The following TESC variants were observed in gnomAD, a reference collection of about 807,000 sequenced individuals.
TESC encodes calcineurin B homologous protein 3.
A neutral mutation model predicts 31.0 loss-of-function variants in TESC; 19 were observed. The ratio of observed to expected loss-of-function variants is 0.61; its 90% CI spans 0.43 to 0.90. The LOEUF is 0.90. Ranked by LOEUF, TESC falls within the 40% of genes least tolerant of loss-of-function variation. The probability of loss-of-function intolerance (pLI) is 0.00; values close to 1 mark genes in which losing one functional copy is unlikely to be tolerated. For synonymous variants in TESC, 109 were observed against 114.8 expected, an observed-to-expected ratio of 0.95 and a Z score of 0.32; for missense variants, 248 against 303.8, an observed-to-expected ratio of 0.82 and a Z score of 1.36.
chr12:117,080,182 C>T (rs192800362), intron 1 of TESC, among the ~76,000 whole-genome samples: 4 of 152,172 alleles, frequency 2.6e-5, no homozygotes, highest in Non-Finnish European at 4.4e-5. Flanking sequence ...CCAAAGTGCA[C>T]GCAAGGCTGG....
intron 1 of TESC, among the ~76,000 whole-genome samples, chr12:117,083,259 A>G (rs1233557922): frequency 6.6e-6 from 1 of 152,154 alleles, no homozygotes; most frequent in Non-Finnish European, 1.5e-5. Flanking sequence ...CTATATTTTT[A>G]GTAGAGATGG....
chr12:117,043,062 C>T (rs1242177557), intron 6 of TESC, among the ~76,000 whole-genome samples: 2 of 151,904 alleles, frequency 1.3e-5, no homozygotes, highest in Admixed American at 1.3e-4. Flanking sequence ...GAACAAAAAA[C>T]AAAACCCAAC....
At chr12:117,056,748 A>G in intron 3 of TESC, 58 bp downstream of exon 3, 1 of 1,552,560 alleles carries the variant, frequency 6.4e-7, no homozygotes, top group South Asian at 1.1e-5. Flanking sequence ...AAGTATCCCG[A>G]GATGTTACAC....
chr12:117,080,852 C>T (rs529448842), intron 1 of TESC, among the ~76,000 whole-genome samples: 1 of 152,288 alleles, frequency 6.6e-6, no homozygotes, highest in African/African-American at 2.4e-5. Context: ...ATCAGGGCCC[C>T]AAAGCCCACG....
intron 1 of TESC, among the ~76,000 whole-genome samples, chr12:117,093,755 A>T (rs1287504693): frequency 6.6e-6 from 1 of 150,646 alleles, no homozygotes; most frequent in Non-Finnish European, 1.5e-5. Context: ...TCTTACCATC[A>T]TGAGGTCTGA....
At chr12:117,052,233 C>T (rs1426569055) in intron 3 of TESC, among the ~76,000 whole-genome samples, 4 of 152,142 alleles carry the variant, frequency 2.6e-5, no homozygotes, top group East Asian at 1.9e-4. Flanking sequence ...AGGAATGGGG[C>T]GCCCTGGAGG....
intron 2 of TESC, among the ~76,000 whole-genome samples, chr12:117,062,673 C>T (rs1954814637): frequency 6.6e-6 from 1 of 152,222 alleles, no homozygotes; most frequent in Non-Finnish European, 1.5e-5. Flanking sequence ...CCCTTTTCAA[C>T]AAGGAGAGCA....
intron 3 of TESC, among the ~76,000 whole-genome samples, chr12:117,055,141 C>A (rs375717224): frequency 6.6e-6 from 1 of 152,276 alleles, no homozygotes; most frequent in South Asian, 2.1e-4. Flanking sequence ...CTATGATTAT[C>A]TCCACTTTAT....
intron 1 of TESC, among the ~76,000 whole-genome samples, chr12:117,092,607 G>A (rs2135805112): frequency 6.6e-6 from 1 of 152,294 alleles, no homozygotes; most frequent in Middle Eastern, 3.4e-3. Flanking sequence ...CCGCCCCAGA[G>A]CTCAGCATAC....
intron 2 of TESC, among the ~76,000 whole-genome samples, chr12:117,066,219 T>G (rs1954878151): frequency 7.0e-6 from 1 of 142,068 alleles, no homozygotes; most frequent in Non-Finnish European, 1.5e-5. Context: ...TTTTTTTTTT[T>G]TTTTTGGGGC....
At chr12:117,081,531 G>A (rs1955147438) in intron 1 of TESC, among the ~76,000 whole-genome samples, 1 of 152,148 alleles carries the variant, frequency 6.6e-6, no homozygotes, top group Admixed American at 6.5e-5. Flanking sequence ...TTGATCCCTA[G>A]GAACAAATCC....
At chr12:117,053,980 T>C (rs1442622805) in intron 3 of TESC, 1 of 152,196 alleles carries the variant, frequency 6.6e-6, no homozygotes, top group Non-Finnish European at 1.5e-5. Context: ...GGGCACCGGA[T>C]TCCACTCTGT....
At chr12:117,049,193 T>C (rs183572326) in intron 3 of TESC, 35 bp from the exon 4 acceptor site, 21 of 1,613,444 alleles carry the variant, frequency 1.3e-5, no homozygotes, top group Non-Finnish European at 1.8e-5. Flanking sequence ...TGGAAATAAA[T>C]GAAGAACTGG....
At chr12:117,044,009 G>A (rs1954521648) in intron 6 of TESC, among the ~76,000 whole-genome samples, 1 of 151,900 alleles carries the variant, frequency 6.6e-6, no homozygotes, top group Non-Finnish European at 1.5e-5. Flanking sequence ...ACTTTGGGAG[G>A]CCAAGGCAGG....
At chr12:117,063,896 C>G (rs117254772) in intron 2 of TESC, among the ~76,000 whole-genome samples, 1 of 152,196 alleles carries the variant, frequency 6.6e-6, no homozygotes, top group African/African-American at 2.4e-5. Context: ...TCTGGGCCAG[C>G]AGCATCTGCA....
rs143539275 is a variant in TESC, at chr12:117,099,067, G to A, written c.58+158C>T. Among the ~76,000 whole-genome samples the A allele has an allele frequency of 2.7e-3, 410 of 152,236 alleles. 4 individuals are homozygous for A. The highest frequency in any genetic ancestry group is 8.9e-3 in the African/African-American group (370 of 41,568). On this transcript the variant is annotated intron_variant, in intron 1 of 7. Transcript: ENST00000335209. Reference sequence around the variant, plus strand: ...AGCTCCTCGCCGCAGCCCGCGAGGTGGCCAGCGGGGACCCATTTGAAAGAG... The same window carrying A: ...AGCTCCTCGCCGCAGCCCGCGAGGTAGCCAGCGGGGACCCATTTGAAAGAG...
intron 1 of TESC, among the ~76,000 whole-genome samples, chr12:117,077,609 T>C (rs1184045738): frequency 6.6e-6 from 1 of 152,186 alleles, no homozygotes; most frequent in African/African-American, 2.4e-5. Context: ...ACAATATAGA[T>C]AATCACAGAC....
rs919089755 is a variant in TESC at position 117,099,390 on chromosome 12, C to T, written c.-108G>A. Reference sequence around the variant, plus strand: ...CGGGTCCGGCCTCGGGTCGGGACGCCGGCGAAGGCTCGGAGCCGCGGGTTC... The same window carrying T: ...CGGGTCCGGCCTCGGGTCGGGACGCTGGCGAAGGCTCGGAGCCGCGGGTTC... On this transcript the variant is annotated 5_prime_UTR_variant, in exon 1 of 8. Transcript: ENST00000335209. 6.1e-6 allele frequency: 7 copies of T among 1,139,746 alleles called. No individual in the cohort carries two copies. The highest frequency in any genetic ancestry group is 3.3e-4 in the Middle Eastern group (1 of 3,066). 70.6% of individuals were successfully genotyped at this position (1,139,746 alleles called of 1,614,324 possible). A position where few individuals can be genotyped will look rare whatever the true frequency, so the allele number is the denominator to read the frequency against.
At chr12:117,096,163 T>C (rs1955392389) in intron 1 of TESC, among the ~76,000 whole-genome samples, 1 of 152,214 alleles carries the variant, frequency 6.6e-6, no homozygotes, top group African/African-American at 2.4e-5. Flanking sequence ...TGGTCCTTTC[T>C]GGATGGTGTT....
Sources: gnomAD v4.1 joint callset for allele counts (sites outside exome capture counted in the v4.1 genomes callset) on GRCh38, gnomAD v4.1.1 for gene constraint, MANE v1.5 for transcripts, NCBI Gene and HGNC (gene_info 2026-07-23, HGNC 2026-07-21) for gene names.